TRIM2: variants seen among roughly 807,000 people sequenced by gnomAD.
The protein encoded by TRIM2 is tripartite motif containing 2.
TRIM2 carries 20 observed loss-of-function variants against 75.2 expected under a neutral mutation model. That is an observed-to-expected ratio of 0.27 (90% CI 0.19 to 0.39). TRIM2 has a LOEUF of 0.39. Among genes scored for constraint, TRIM2 ranks in the 10% least tolerant of loss-of-function variants. TRIM2 has a pLI of 1.00. For synonymous variants in TRIM2, 373 were observed against 388.3 expected, an observed-to-expected ratio of 0.96 and a Z score of 0.46; for missense variants, 660 against 990.8, an observed-to-expected ratio of 0.67 and a Z score of 4.48.
chr4:153,276,093 C>A lies in TRIM2; in HGVS notation c.416C>A (p.Ala139Glu), dbSNP rs1012146710. The A allele has an allele frequency of 2.5e-6, 4 of 1,613,970 alleles. No homozygotes were observed. The highest frequency in any genetic ancestry group is 2.2e-5 in the East Asian group (1 of 44,900). Residue 139 changes from alanine (A) to glutamate (E), a missense_variant, in exon 3 of 12, where the codon GCG becomes GAG. Ala to Glu is a moderately radical substitution (Grantham distance 107, BLOSUM62 -1). Around this residue, in one of 2 missense-constraint regions of TRIM2, gnomAD observed 620 missense variants for 891.0 expected, o/e 0.70. Transcript: ENST00000338700. ...SILETVTAVAAGKPLSCPNHD... is the reference protein window; with the variant it reads ...SILETVTAVAEGKPLSCPNHD... ...CTGGAGACAGTCACTGCTGTGGCTG[C>A]GGGAAAGCCTCTCTCTTGCCCAAAC...
intron 1 of TRIM2, among the ~76,000 whole-genome samples, chr4:153,243,157 G>C (rs1164681823): frequency 6.6e-6 from 1 of 152,248 alleles, no homozygotes; most frequent in African/African-American, 2.4e-5. Context: ...GCCAAGGCAA[G>C]GAGGGAAGTG....
intron 1 of TRIM2, among the ~76,000 whole-genome samples, chr4:153,162,373 C>T (rs1047712013): frequency 1.3e-5 from 2 of 152,158 alleles, no homozygotes; most frequent in Admixed American, 6.5e-5. Context: ...CCAAGGAAAG[C>T]CAGAGTTCCA....
intron 1 of TRIM2, among the ~76,000 whole-genome samples, chr4:153,215,484 T>G (rs1217472227): frequency 6.6e-6 from 1 of 151,924 alleles, no homozygotes; most frequent in Non-Finnish European, 1.5e-5. Flanking sequence ...TTGCTGCCAT[T>G]TATCATATTT....
intron 1 of TRIM2, among the ~76,000 whole-genome samples, chr4:153,237,834 T>A (rs944066436): frequency 2.6e-5 from 4 of 152,210 alleles, no homozygotes; most frequent in Non-Finnish European, 5.9e-5. Context: ...TATACAAATA[T>A]TACAACTTAA....
chr4:153,245,416 A>G (rs1343213356), intron 1 of TRIM2, among the ~76,000 whole-genome samples: 2 of 152,252 alleles, frequency 1.3e-5, no homozygotes, highest in African/African-American at 4.8e-5. Flanking sequence ...AAAATCTACT[A>G]AAGGTGTGTC....
At chr4:153,190,582 T>C (rs1371608483) in intron 1 of TRIM2, among the ~76,000 whole-genome samples, 1 of 152,140 alleles carries the variant, frequency 6.6e-6, no homozygotes, top group Admixed American at 6.5e-5. Flanking sequence ...CTGTTAACCA[T>C]CTTTTCATGA....
In TRIM2 at chr4:153,335,856, C is replaced by T. The variant is rs775985465; in HGVS notation, c.*890C>T. On this transcript the variant is annotated 3_prime_UTR_variant, in exon 12 of 12. Transcript: ENST00000338700. ...GACTTCCTGAAAGCGAAAGCTTTAC[C>T]TCCTGCAAATGTCAGCACATGTAGT... 2.2e-5 allele frequency: 22 copies of T among 985,614 alleles called. No homozygotes were observed. Among genetic ancestry groups the T allele is most frequent in the Non-Finnish European group, 2.7e-5 (22 of 829,916 alleles). 61.1% of individuals were successfully genotyped at this position (985,614 alleles called of 1,614,324 possible).
chr4:153,293,259 A>G (rs1762178926), intron 4 of TRIM2, 126 bp downstream of exon 4: 1 of 991,732 alleles, frequency 1.0e-6, no homozygotes, highest in East Asian at 2.6e-5. Context: ...TGGGTAAATA[A>G]GTTCTTTTAT....
intron 1 of TRIM2, among the ~76,000 whole-genome samples, chr4:153,218,984 C>T (rs1263775173): frequency 1.3e-5 from 1 of 75,590 alleles, no homozygotes; most frequent in Non-Finnish European, 2.2e-5. Context: ...AGATGATTGT[C>T]CTTGTCCTGA....
intron 1 of TRIM2, among the ~76,000 whole-genome samples, chr4:153,233,938 C>T (rs1345269129): frequency 1.3e-5 from 2 of 152,156 alleles, no homozygotes; most frequent in Non-Finnish European, 2.9e-5. Context: ...AGTACAGGCA[C>T]CGGGCTGCTT....
chr4:153,199,737 A>G (rs934958531), upstream of TRIM2, among the ~76,000 whole-genome samples: 3 of 152,162 alleles, frequency 2.0e-5, no homozygotes, highest in Admixed American at 1.3e-4. Flanking sequence ...GGATGAATTC[A>G]TTTAATAAAT....
At chr4:153,199,419 G>C (rs1372620662) in intron 1 of TRIM2, among the ~76,000 whole-genome samples, 1 of 152,102 alleles carries the variant, frequency 6.6e-6, no homozygotes, top group Non-Finnish European at 1.5e-5. Flanking sequence ...ATAATCTGCA[G>C]GTCATTATAT....
chr4:153,210,752 ACT>A (rs1736758405), intron 1 of TRIM2, among the ~76,000 whole-genome samples: 1 of 152,082 alleles, frequency 6.6e-6, no homozygotes, highest in Non-Finnish European at 1.5e-5. Flanking sequence ...TTTCCTGGAC[ACT>A]CTGTGTGTTC....
At chr4:153,228,752 A>C (rs537242239) in intron 1 of TRIM2, among the ~76,000 whole-genome samples, 17 of 152,286 alleles carry the variant, frequency 1.1e-4, no homozygotes, top group Non-Finnish European at 1.6e-4. Flanking sequence ...CGCGGCAGTC[A>C]TAGTCATGTA....
chr4:153,171,906 T>C (rs1007595438), intron 1 of TRIM2, among the ~76,000 whole-genome samples: 2 of 150,728 alleles, frequency 1.3e-5, no homozygotes, highest in African/African-American at 4.9e-5. Flanking sequence ...CATGTCACTA[T>C]GGATAACTAA....
intron 1 of TRIM2, among the ~76,000 whole-genome samples, chr4:153,195,032 AT>A (rs1373437492): frequency 2.0e-5 from 3 of 152,214 alleles, no homozygotes; most frequent in Non-Finnish European, 4.4e-5. Context: ...GCCAGACCTT[AT>A]TTAGCATAAG....
chr4:153,261,220 G>A (rs1458162610), intron 1 of TRIM2, among the ~76,000 whole-genome samples: 1 of 152,166 alleles, frequency 6.6e-6, no homozygotes, highest in Non-Finnish European at 1.5e-5. Context: ...CCAGGAGTTC[G>A]AGACCAGCCT....
intron 3 of TRIM2, among the ~76,000 whole-genome samples, chr4:153,282,841 T>C (rs1759666157): frequency 6.6e-6 from 1 of 152,020 alleles, no homozygotes; most frequent in Admixed American, 6.6e-5. Flanking sequence ...CAGGCTGGAG[T>C]GCAGTGGCAT....
At chr4:153,221,257 A>G (rs1010400798) in intron 1 of TRIM2, among the ~76,000 whole-genome samples, 10 of 152,192 alleles carry the variant, frequency 6.6e-5, no homozygotes, top group Non-Finnish European at 1.5e-5. Flanking sequence ...GCCCACACAT[A>G]TTATATGATT....
Sources: allele counts gnomAD v4.1 joint callset (sites outside exome capture counted in the v4.1 genomes callset), GRCh38; gene constraint gnomAD v4.1.1; regional missense constraint gnomAD v4.1.1; transcripts MANE v1.5; gene names NCBI Gene and HGNC (gene_info 2026-07-23, HGNC 2026-07-21).